Variants in MTR observed in about 807,000 individuals in gnomAD.
The protein encoded by MTR is 5-methyltetrahydrofolate-homocysteine methyltransferase, also known as methionine synthase.
A neutral mutation model predicts 154.8 loss-of-function variants in MTR; 84 were observed. The ratio of observed to expected loss-of-function variants is 0.54; its 90% CI spans 0.45 to 0.65. The LOEUF is 0.65. Among genes scored for constraint, MTR ranks in the 30% least tolerant of loss-of-function variants. MTR has a pLI of 0.00. For synonymous variants in MTR, 554 were observed against 553.9 expected, an observed-to-expected ratio of 1.00 and a Z score of 0.00; for missense variants, 1,275 against 1,570.2, an observed-to-expected ratio of 0.81 and a Z score of 3.18.
chr1:236,833,730 C>G (rs893492427), intron 13 of MTR, among the ~76,000 whole-genome samples: 1 of 152,224 alleles, frequency 6.6e-6, no homozygotes, highest in African/African-American at 2.4e-5. Flanking sequence ...TTGCCCAACT[C>G]ATACATCTTT....
intron 14 of MTR, among the ~76,000 whole-genome samples, chr1:236,835,944 C>T (rs1319905052): frequency 6.6e-6 from 1 of 152,106 alleles, no homozygotes; most frequent in Non-Finnish European, 1.5e-5. Context: ...AATTGAGTCT[C>T]CTCAGATGTC....
intron 25 of MTR, among the ~76,000 whole-genome samples, chr1:236,882,391 A>ATTTT (rs34832362): frequency 7.4e-6 from 1 of 134,412 alleles, no homozygotes; most frequent in African/African-American, 2.8e-5. Context: ...CCCCTTCACC[A>ATTTT]TTTTTTTTTT....
chr1:236,856,056 C>T (rs1381475330), intron 18 of MTR, among the ~76,000 whole-genome samples: 2 of 152,190 alleles, frequency 1.3e-5, no homozygotes, highest in Non-Finnish European at 2.9e-5. Context: ...TCACAACCTC[C>T]AACACTTCAG....
intron 16 of MTR, among the ~76,000 whole-genome samples, chr1:236,852,040 C>G (rs1285180856): frequency 6.6e-6 from 1 of 152,138 alleles, no homozygotes; most frequent in East Asian, 1.9e-4. Flanking sequence ...AACTGTCTCC[C>G]TAGATTCTTG....
chr1:236,862,238 T>G lies in MTR; in HGVS notation c.2199T>G (p.Val733=). The change falls in exon 21 of 33, where the codon GTT becomes GTG. Residue 733 remains valine, a splice_region_variant and synonymous_variant. Coordinates refer to ENST00000366577, the MANE Select transcript of MTR (RefSeq NM_000254.3). ...FGAGKMFLPQ[V]IKSARVMKKA... is the part of the protein sequence containing the mutation. ...CTGATCTATGCTTTTTTTCTCAGGT[T>G]ATAAAGTCAGCCCGGGTTATGAAGA... 1 of 1,613,294 alleles carries G rather than the reference T, an allele frequency of 6.2e-7. No homozygotes were observed.
At chr1:236,806,258 T>A in intron 3 of MTR, 25 bp downstream of exon 3, 1 of 1,580,828 alleles carries the variant, frequency 6.3e-7, no homozygotes, top group Non-Finnish European at 8.7e-7. Flanking sequence ...GTTCCATGTG[T>A]CTAAGATGCT....
chr1:236,830,047 A>G (rs1348345994), intron 12 of MTR, among the ~76,000 whole-genome samples: 14 of 152,358 alleles, frequency 9.2e-5, no homozygotes, highest in African/African-American at 2.9e-4. Flanking sequence ...ATATTGTCCT[A>G]TGAAAAGTAA....
At chr1:236,839,966 T>C (rs1213393122) in intron 15 of MTR, among the ~76,000 whole-genome samples, 1 of 152,194 alleles carries the variant, frequency 6.6e-6, no homozygotes, top group Non-Finnish European at 1.5e-5. Context: ...TATGTTTGTC[T>C]GCATAAGCAG....
intron 8 of MTR, among the ~76,000 whole-genome samples, chr1:236,817,340 A>C (rs534231204): frequency 6.7e-6 from 1 of 150,284 alleles, no homozygotes; most frequent in East Asian, 2.0e-4. Context: ...CACTCTGCTG[A>C]CTTCTTCTTA....
At chr1:236,844,776 A>G (rs1318690925) in intron 15 of MTR, among the ~76,000 whole-genome samples, 2 of 152,186 alleles carry the variant, frequency 1.3e-5, no homozygotes, top group Non-Finnish European at 2.9e-5. Context: ...CTGTTTTCTC[A>G]GTGAAGTTGG....
At position 236,813,964 on chromosome 1, in the gene MTR, C is replaced by T. The variant is rs140439062; in HGVS notation, c.609+1120C>T. 1.4e-3 allele frequency among the ~76,000 whole-genome samples: 216 copies of T among 152,180 alleles called. 1 individual carries two copies. Among genetic ancestry groups the T allele is most frequent in the Non-Finnish European group, 2.7e-3 (182 of 68,002 alleles). On this transcript the variant is annotated intron_variant, in intron 6 of 32. Coordinates refer to ENST00000366577, the MANE Select transcript of MTR (RefSeq NM_000254.3). ...GGAGACTACACTTACAGAGCCACTCCTCAGTTGAAGAGAAGAAAAAAATGG... is the reference window on the plus strand; with the variant it reads ...GGAGACTACACTTACAGAGCCACTCTTCAGTTGAAGAGAAGAAAAAAATGG...
chr1:236,870,889 G>C (rs762146028), intron 22 of MTR, among the ~76,000 whole-genome samples: 1 of 152,150 alleles, frequency 6.6e-6, no homozygotes, highest in Non-Finnish European at 1.5e-5. Flanking sequence ...CCTCTCGTCA[G>C]ATAACCCGCA....
intron 1 of MTR, among the ~76,000 whole-genome samples, chr1:236,800,718 T>C (rs1660656747): frequency 1.3e-5 from 2 of 152,240 alleles, no homozygotes; most frequent in South Asian, 4.1e-4. Flanking sequence ...CTTGCTGTGC[T>C]ATAATACCAA....
intron 8 of MTR, among the ~76,000 whole-genome samples, chr1:236,817,498 A>G (rs966956135): frequency 6.6e-6 from 1 of 152,230 alleles, no homozygotes; most frequent in Non-Finnish European, 1.5e-5. Flanking sequence ...GCTGTGTGCC[A>G]GGCTCTGTTC....
In MTR at chr1:236,903,344, C is replaced by G. The variant is rs1276347028; in HGVS notation, c.*5700C>G. ...TAGCCTGAAATGGGTGCTATTTTGA[C>G]TAGTCTGAGTGAAAAGTGAGGATTT... On this transcript the variant is annotated 3_prime_UTR_variant, in exon 33 of 33. Coordinates refer to ENST00000366577, the MANE Select transcript of MTR (RefSeq NM_000254.3). The G allele has an allele frequency of 1.3e-5, 2 of 152,076 alleles. No individual in the cohort carries two copies. The highest frequency in any genetic ancestry group is 2.9e-5 in the Non-Finnish European group (2 of 68,022). The allele number at this position is 152,076 out of a possible 1,614,324, so 9.4% of individuals were successfully genotyped here. A position where few individuals can be genotyped will look rare whatever the true frequency, so the allele number is the denominator to read the frequency against.
rs2103117168 is a variant in MTR, at chr1:236,829,202, G to A, written c.1009G>A (p.Ala337Thr). Residue 337 changes from alanine (A) to threonine (T), a missense_variant, in exon 12 of 33, where the codon GCT becomes ACT. Physicochemically the swap from Ala to Thr is moderately conservative, Grantham distance 58. Coordinates refer to ENST00000366577, the MANE Select transcript of MTR (RefSeq NM_000254.3). ...CTTTCAACTCAGGGAAATTGCTGAA[G>A]CTGTGAAAAATTGTAAGCCTAGAGT... is the stretch of plus-strand genomic sequence containing the variant. ...TPDHIREIAE[A>T]VKNCKPRVPP... The A allele has an allele frequency of 1.2e-6, 2 of 1,613,664 alleles. No homozygotes were observed. The highest frequency in any genetic ancestry group is 4.5e-5 in the East Asian group (2 of 44,862).
intron 25 of MTR, among the ~76,000 whole-genome samples, chr1:236,882,594 T>C (rs557240251): frequency 4.0e-4 from 61 of 152,144 alleles, no homozygotes; most frequent in Non-Finnish European, 5.6e-4. Flanking sequence ...GGTTTCACCA[T>C]GTTGGCCAGG....
At chr1:236,880,691 A>C in intron 24 of MTR, 64 bp from the exon 25 acceptor site, 1 of 1,304,184 alleles carries the variant, frequency 7.7e-7, no homozygotes, top group Non-Finnish European at 1.1e-6. Context: ...ATGGCGCTGA[A>C]CAAGAGTTGT....
intron 1 of MTR, among the ~76,000 whole-genome samples, chr1:236,799,879 T>G (rs192102082): frequency 2.0e-5 from 3 of 152,206 alleles, no homozygotes; most frequent in Non-Finnish European, 4.4e-5. Context: ...CCCAATAAAT[T>G]ATACAATAAG....
Sources: gnomAD v4.1 joint callset for allele counts (sites outside exome capture counted in the v4.1 genomes callset) on GRCh38, gnomAD v4.1.1 for gene constraint, MANE v1.5 for transcripts, NCBI Gene and HGNC (gene_info 2026-07-23, HGNC 2026-07-21) for gene names.